The following NR2F1-AS1 variants were observed in gnomAD, a reference collection of about 807,000 sequenced individuals.
NR2F1-AS1 encodes the protein NR2F1 antisense RNA 1.
At chr5:93,553,754 G>A (rs932111204) in intron 4 of NR2F1-AS1, 3 of 152,130 alleles carry the variant, frequency 2.0e-5, no homozygotes, top group Non-Finnish European at 2.9e-5. Context: ...AGATGACACT[G>A]ACTCACCATC....
At chr5:93,473,744 G>A (rs1251758155) in intron 4 of NR2F1-AS1, among the ~76,000 whole-genome samples, 2 of 151,428 alleles carry the variant, frequency 1.3e-5, no homozygotes, top group African/African-American at 2.4e-5. Flanking sequence ...CAAAGGAATT[G>A]AGACTATCCC....
At chr5:93,464,310 G>C (rs915446715) in intron 4 of NR2F1-AS1, among the ~76,000 whole-genome samples, 6 of 152,162 alleles carry the variant, frequency 3.9e-5, no homozygotes, top group African/African-American at 1.2e-4. Context: ...ATGATTAACT[G>C]TGAGTCCATT....
chr5:93,463,200 T>C (rs1218198181), intron 4 of NR2F1-AS1, among the ~76,000 whole-genome samples: 1 of 152,192 alleles, frequency 6.6e-6, no homozygotes, highest in Non-Finnish European at 1.5e-5. Flanking sequence ...TGGTGCCCTG[T>C]GTTCCAGCCA....
intron 4 of NR2F1-AS1, among the ~76,000 whole-genome samples, chr5:93,519,083 T>A (rs1378643545): frequency 6.6e-6 from 1 of 152,066 alleles, no homozygotes; most frequent in African/African-American, 2.4e-5. Flanking sequence ...CTTAAGGCAA[T>A]GTCATGTTGA....
chr5:93,498,908 T>A (rs1441577145), intron 4 of NR2F1-AS1, among the ~76,000 whole-genome samples: 1 of 152,152 alleles, frequency 6.6e-6, no homozygotes, highest in Non-Finnish European at 1.5e-5. Flanking sequence ...AAAAGCCTTG[T>A]AATTATATGT....
intron 4 of NR2F1-AS1, among the ~76,000 whole-genome samples, chr5:93,552,948 C>A (rs866782148): frequency 6.6e-6 from 1 of 151,950 alleles, no homozygotes; most frequent in African/African-American, 2.4e-5. Flanking sequence ...CTGCAGATAG[C>A]TATGTAGATA....
intron 4 of NR2F1-AS1, among the ~76,000 whole-genome samples, chr5:93,481,861 T>C (rs937755360): frequency 2.6e-5 from 4 of 152,028 alleles, no homozygotes; most frequent in South Asian, 4.2e-4. Context: ...TCAGATAAAA[T>C]GCAAATGAAA....
chr5:93,417,442 CA>C (rs571996661), intron 4 of NR2F1-AS1, among the ~76,000 whole-genome samples: 1 of 152,094 alleles, frequency 6.6e-6, no homozygotes, highest in Admixed American at 6.6e-5. Flanking sequence ...TGTACTCCAG[CA>C]AAAAAGTCAG....
At chr5:93,480,228 T>G (rs1750572701) in intron 4 of NR2F1-AS1, among the ~76,000 whole-genome samples, 1 of 152,168 alleles carries the variant, frequency 6.6e-6, no homozygotes, top group Admixed American at 6.5e-5. Context: ...ATAATCAAAC[T>G]GCTGATAGAC....
At chr5:93,435,668 G>A (rs1749418920) in intron 4 of NR2F1-AS1, among the ~76,000 whole-genome samples, 1 of 152,146 alleles carries the variant, frequency 6.6e-6, no homozygotes, top group South Asian at 2.1e-4. Flanking sequence ...TGCCCCATCA[G>A]GGCTCGCTCC....
chr5:93,473,667 G>A (rs970498969), intron 4 of NR2F1-AS1, among the ~76,000 whole-genome samples: 1 of 150,654 alleles, frequency 6.6e-6, no homozygotes, highest in Non-Finnish European at 1.5e-5. Flanking sequence ...GAATGCTATA[G>A]TATATTCCTA....
At chr5:93,569,148 A>C (rs887468932) in intron 1 of NR2F1-AS1, among the ~76,000 whole-genome samples, 2 of 152,158 alleles carry the variant, frequency 1.3e-5, no homozygotes, top group African/African-American at 4.8e-5. Context: ...TCACCTAACA[A>C]GGTTTCAACG....
chr5:93,420,374 T>C (rs948872297), intron 4 of NR2F1-AS1, among the ~76,000 whole-genome samples: 2 of 152,146 alleles, frequency 1.3e-5, no homozygotes, highest in Non-Finnish European at 2.9e-5. Flanking sequence ...ATTAGGTAAG[T>C]CACTCCCCTA....
Position 93,439,585 on chromosome 5 carries a change from C to T in NR2F1-AS1, n.639-44043G>A, listed in dbSNP as rs557576913. On this transcript the variant is annotated intron_variant and non_coding_transcript_variant, in intron 4 of 5. Coordinates refer to ENST00000660523, the Ensembl canonical transcript of NR2F1-AS1. ...CTGGGATTACAGGCGTGAGCCACTG[C>T]GCCCGGCCAAGGCTTTTCTTTTAAA... Among the ~76,000 whole-genome samples, 76 of 152,340 alleles carry T rather than the reference C, an allele frequency of 5.0e-4. 1 individual carries two copies. The highest frequency in any genetic ancestry group is 1.6e-3 in the African/African-American group (66 of 41,576).
chr5:93,463,758 C>A (rs1383702161), intron 4 of NR2F1-AS1, among the ~76,000 whole-genome samples: 1 of 152,184 alleles, frequency 6.6e-6, no homozygotes, highest in Non-Finnish European at 1.5e-5. Flanking sequence ...GACTTGACTG[C>A]CCTGCTGGAT....
intron 4 of NR2F1-AS1, chr5:93,423,051 T>G (rs1749120439): frequency 6.6e-6 from 1 of 152,102 alleles, no homozygotes; most frequent in South Asian, 2.1e-4. Flanking sequence ...TTTCCTATGA[T>G]GTGTTTATAC....
At chr5:93,428,314 T>C (rs1749237978) in intron 4 of NR2F1-AS1, among the ~76,000 whole-genome samples, 1 of 152,236 alleles carries the variant, frequency 6.6e-6, no homozygotes, top group Non-Finnish European at 1.5e-5. Flanking sequence ...CTTTGCACTT[T>C]ATTTCATTAG....
intron 4 of NR2F1-AS1, among the ~76,000 whole-genome samples, chr5:93,491,880 G>C (rs886444681): frequency 6.6e-6 from 1 of 152,114 alleles, no homozygotes; most frequent in South Asian, 2.1e-4. Flanking sequence ...ATTGTACCAC[G>C]GGCTTTCTTC....
intron 4 of NR2F1-AS1, among the ~76,000 whole-genome samples, chr5:93,442,576 A>G (rs1314989230): frequency 6.6e-6 from 1 of 152,194 alleles, no homozygotes; most frequent in Admixed American, 6.5e-5. Context: ...CCACAGCTCA[A>G]GGAGGCCTGC....
Sources: allele counts gnomAD v4.1 joint callset (sites outside exome capture counted in the v4.1 genomes callset), GRCh38; gene constraint gnomAD v4.1.1; transcripts MANE v1.5; gene names NCBI Gene and HGNC (gene_info 2026-07-23, HGNC 2026-07-21).